Variants in LPAR1 observed in about 807,000 individuals in gnomAD.
LPAR1 encodes the protein LPA receptor 1.
LPAR1 carries 5 observed loss-of-function variants against 23.8 expected under a neutral mutation model. The observed-to-expected ratio is 0.21, with a 90% CI of 0.11 to 0.44. LPAR1 has a LOEUF of 0.44. Ranked by LOEUF, LPAR1 falls within the 20% of genes least tolerant of loss-of-function variation. The pLI is 0.99. For missense variants in LPAR1, 311 were observed against 482.8 expected (o/e 0.64, Z 3.33); for synonymous variants, 160 against 164.7 (o/e 0.97, Z 0.22).
intron 2 of LPAR1, among the ~76,000 whole-genome samples, chr9:111,001,435 G>A (rs1399857690): frequency 6.6e-6 from 1 of 152,108 alleles, no homozygotes; most frequent in Non-Finnish European, 1.5e-5. Context: ...TAGACATTCA[G>A]AGGTACACAA....
chr9:111,037,026 A>G (rs1365783535), intron 1 of LPAR1, among the ~76,000 whole-genome samples: 4 of 152,196 alleles, frequency 2.6e-5, no homozygotes, highest in African/African-American at 7.2e-5. Flanking sequence ...CGGCAAGGGA[A>G]TAACTTCTTA....
intron 2 of LPAR1, among the ~76,000 whole-genome samples, chr9:111,029,827 G>A (rs1302305300): frequency 1.3e-5 from 2 of 151,774 alleles, no homozygotes; most frequent in Non-Finnish European, 2.9e-5. Context: ...GAGGCGGGTG[G>A]TTCACTTGAG....
At chr9:110,953,501 T>C (rs1201288601) in intron 4 of LPAR1, among the ~76,000 whole-genome samples, 1 of 151,856 alleles carries the variant, frequency 6.6e-6, no homozygotes, top group African/African-American at 2.4e-5. Flanking sequence ...CCAACTCTAC[T>C]AAAAATACAA....
chr9:110,959,324 G>A (rs145765097), intron 4 of LPAR1, among the ~76,000 whole-genome samples: 1 of 151,760 alleles, frequency 6.6e-6, no homozygotes, highest in East Asian at 1.9e-4. Flanking sequence ...AGGAGGAAAG[G>A]AAGAAAGGAA....
chr9:110,932,021 C>T (rs1465576744), intron 5 of LPAR1, among the ~76,000 whole-genome samples: 2 of 152,114 alleles, frequency 1.3e-5, no homozygotes, highest in African/African-American at 4.8e-5. Context: ...TTCACTGGAA[C>T]TTAGCCTTAA....
intron 2 of LPAR1, among the ~76,000 whole-genome samples, chr9:111,004,201 C>T (rs1444923011): frequency 6.6e-6 from 1 of 152,158 alleles, no homozygotes; most frequent in Non-Finnish European, 1.5e-5. Context: ...CTCTCCCATT[C>T]ATCCTAGTCT....
Position 110,878,552 on chromosome 9 carries a change from A to G in LPAR1, c.794-2830T>C, listed in dbSNP as rs371841957. On this transcript the variant is annotated intron_variant, in intron 5 of 5. Transcript: ENST00000683809. ...ACTTGAGATGTGCATTGTGGACCCCATCAACATGTAATCTACAGAGAGTTC... is the reference window on the plus strand; with the variant it reads ...ACTTGAGATGTGCATTGTGGACCCCGTCAACATGTAATCTACAGAGAGTTC... Among the ~76,000 whole-genome samples the G allele has an allele frequency of 5.9e-5, 9 of 152,308 alleles. No individual in the cohort carries two copies. The East Asian group carries it at 1.7e-3, about 29-fold the overall frequency.
intron 2 of LPAR1, among the ~76,000 whole-genome samples, chr9:110,979,738 A>G (rs1363248450): frequency 6.6e-6 from 1 of 152,160 alleles, no homozygotes; most frequent in African/African-American, 2.4e-5. Context: ...CTAGAATTCT[A>G]TTGGCAGATG....
Position 110,942,107 on chromosome 9 carries a change from C to A in LPAR1, c.107G>T (p.Arg36Leu). 1 of 1,613,924 alleles carries A rather than the reference C, an allele frequency of 6.2e-7. No homozygotes were observed. The highest frequency in any genetic ancestry group is 1.1e-5 in the South Asian group (1 of 91,054). Reference protein sequence around the residue: ...YNESIAFFYNRSGKHLATEWN... With the variant: ...YNESIAFFYNLSGKHLATEWN... ...TTCTGTGGCAAGATGCTTTCCACTT[C>A]GGTTATAAAAGAAGGCAATGGACTC... The change falls in exon 5 of 6, where the codon CGA becomes CTA. Residue 36 changes from arginine (R) to leucine (L), a missense_variant. This residue lies in a region of LPAR1 where 61 missense variants were observed against 55.6 expected (regional missense o/e 1.10). Transcript: ENST00000683809.
rs570155088 is a variant in LPAR1 at position 111,026,329 on chromosome 9, G to A, written c.-182+9793C>T. 7.2e-5 allele frequency among the ~76,000 whole-genome samples: 11 copies of A among 152,214 alleles called. No homozygotes were observed. The East Asian group carries it at 9.7e-4, about 13-fold the overall frequency. On this transcript the variant is annotated intron_variant, in intron 2 of 5. Coordinates refer to ENST00000683809, the MANE Select transcript of LPAR1 (RefSeq NM_001351411.2). ...TCATTTATGATTTGGCTCTCTGTTC[G>A]TCTATTAATGATGTATAGGAATGCT...
At chr9:110,943,655 T>G (rs58969585) in intron 4 of LPAR1, among the ~76,000 whole-genome samples, 1 of 152,008 alleles carries the variant, frequency 6.6e-6, no homozygotes, top group Admixed American at 6.6e-5. Context: ...AGGTCAGAAG[T>G]TCGAGACCAG....
At chr9:110,976,223 T>C (rs564039166) in intron 2 of LPAR1, among the ~76,000 whole-genome samples, 93 of 151,410 alleles carry the variant, frequency 6.1e-4, no homozygotes, top group African/African-American at 2.2e-3. Flanking sequence ...CTGGGTGTGG[T>C]GGTTCACGTC....
chr9:110,967,905 C>T (rs1341076717), intron 4 of LPAR1, among the ~76,000 whole-genome samples: 2 of 152,174 alleles, frequency 1.3e-5, no homozygotes, highest in Non-Finnish European at 2.9e-5. Context: ...CCAGAAGAAG[C>T]TATCTATCTC....
chr9:110,887,406 T>A (rs2082701035), intron 5 of LPAR1, among the ~76,000 whole-genome samples: 1 of 152,084 alleles, frequency 6.6e-6, no homozygotes. Flanking sequence ...GTATAAACTG[T>A]AAATGTGGTC....
chr9:111,010,021 ATATATATATATATATATATATATATG>A (rs1204251863), intron 2 of LPAR1, among the ~76,000 whole-genome samples: 1,852 of 50,818 alleles, frequency 0.036, 64 homozygotes, highest in African/African-American at 0.099. Flanking sequence ...ATATATATAT[ATATATATATATATATATATATATATG>A]GATACATAGA....
At chr9:111,005,329 T>C (rs1189065936) in intron 2 of LPAR1, among the ~76,000 whole-genome samples, 4 of 151,180 alleles carry the variant, frequency 2.6e-5, no homozygotes, top group Admixed American at 1.3e-4. Flanking sequence ...ATCCCAGCAC[T>C]GTAGGAGGCC....
intron 2 of LPAR1, among the ~76,000 whole-genome samples, chr9:111,030,502 C>CAGG (rs1218940060): frequency 1.3e-5 from 2 of 152,164 alleles, no homozygotes; most frequent in Non-Finnish European, 1.5e-5. Context: ...ATGAGTAACT[C>CAGG]TACCTATCTT....
chr9:110,927,441 T>A (rs1588370553), intron 5 of LPAR1, among the ~76,000 whole-genome samples: 1 of 152,140 alleles, frequency 6.6e-6, no homozygotes, highest in Admixed American at 6.6e-5. Flanking sequence ...TATACTCAAT[T>A]TGGGACAAAG....
intron 4 of LPAR1, among the ~76,000 whole-genome samples, chr9:110,946,893 G>C (rs531066423): frequency 1.5e-4 from 23 of 152,090 alleles, no homozygotes; most frequent in Admixed American, 7.9e-4. Context: ...CTTGAAATGG[G>C]GAAGCAGAAT....
Sources: allele counts gnomAD v4.1 joint callset (sites outside exome capture counted in the v4.1 genomes callset), GRCh38; gene constraint gnomAD v4.1.1; regional missense constraint gnomAD v4.1.1; transcripts MANE v1.5; gene names NCBI Gene and HGNC (gene_info 2026-07-23, HGNC 2026-07-21).